The following LRRIQ3 variants were observed in gnomAD, a reference collection of about 807,000 sequenced individuals.
LRRIQ3 encodes the protein leucine rich repeats and IQ motif containing 3.
Under a neutral mutation model 59.3 loss-of-function variants are expected in LRRIQ3, and 75 were observed. The observed-to-expected ratio is 1.26, with a 90% CI of 1.05 to 1.53. The LOEUF is 1.53. LRRIQ3 is among the 40% of genes most tolerant of loss of function. The pLI is 0.00. For missense variants in LRRIQ3, 831 were observed against 710.0 expected, an observed-to-expected ratio of 1.17 and a Z score of -1.94; for synonymous variants, 250 against 231.3, an observed-to-expected ratio of 1.08 and a Z score of -0.73.
intron 4 of LRRIQ3, among the ~76,000 whole-genome samples, chr1:74,151,506 G>T (rs1199184269): frequency 6.7e-6 from 1 of 149,400 alleles, no homozygotes; most frequent in Non-Finnish European, 1.5e-5. Context: ...CCACTGCTGT[G>T]TTAGCAATTA....
At chr1:74,098,787 C>G (rs1160150948) in intron 5 of LRRIQ3, among the ~76,000 whole-genome samples, 1 of 152,172 alleles carries the variant, frequency 6.6e-6, no homozygotes, top group Non-Finnish European at 1.5e-5. Context: ...AATTGAACAA[C>G]CTGCTCCTGA....
chr1:74,161,285 T>C (rs1050232176), intron 3 of LRRIQ3, among the ~76,000 whole-genome samples: 3 of 152,044 alleles, frequency 2.0e-5, no homozygotes, highest in Admixed American at 6.6e-5. Context: ...ATATTGGAGA[T>C]TAGATTTTAG....
chr1:74,112,843 T>G (rs1378762729), intron 4 of LRRIQ3, among the ~76,000 whole-genome samples: 1 of 152,098 alleles, frequency 6.6e-6, no homozygotes, highest in African/African-American at 2.4e-5. Flanking sequence ...AAACTCTGGG[T>G]GGGGCTACAG....
intron 4 of LRRIQ3, among the ~76,000 whole-genome samples, chr1:74,118,391 A>C (rs1288542790): frequency 6.6e-6 from 1 of 152,118 alleles, no homozygotes; most frequent in Non-Finnish European, 1.5e-5. Flanking sequence ...ACTCAAATTA[A>C]ATTTTAGAAC....
chr1:74,134,477 A>G (rs1413408362), intron 4 of LRRIQ3, among the ~76,000 whole-genome samples: 1 of 152,002 alleles, frequency 6.6e-6, no homozygotes, highest in East Asian at 1.9e-4. Context: ...TAGAAATTAT[A>G]AATACATACG....
At chr1:74,032,486 G>C (rs1320492461) in intron 7 of LRRIQ3, among the ~76,000 whole-genome samples, 2 of 151,996 alleles carry the variant, frequency 1.3e-5, no homozygotes, top group East Asian at 3.9e-4. Flanking sequence ...ATCCAGATCA[G>C]TGGTTGTTGT....
chr1:74,147,020 G>A (rs954757018), intron 4 of LRRIQ3, among the ~76,000 whole-genome samples: 47 of 152,188 alleles, frequency 3.1e-4, no homozygotes, highest in Admixed American at 2.0e-3. Context: ...TTGAGCCCAG[G>A]AGTTGGAGAC....
intron 4 of LRRIQ3, among the ~76,000 whole-genome samples, chr1:74,143,348 T>C (rs1232106609): frequency 6.6e-6 from 1 of 151,948 alleles, no homozygotes; most frequent in Non-Finnish European, 1.5e-5. Flanking sequence ...CACATCTGTG[T>C]TCCAAGATAG....
At chr1:74,037,804 T>C (rs1016909763) in intron 7 of LRRIQ3, among the ~76,000 whole-genome samples, 2 of 151,418 alleles carry the variant, frequency 1.3e-5, no homozygotes, top group African/African-American at 4.9e-5. Context: ...AGGTGGTGAG[T>C]GTGCTACCCA....
At chr1:74,128,897 T>A (rs1426365844) in intron 4 of LRRIQ3, among the ~76,000 whole-genome samples, 1 of 152,086 alleles carries the variant, frequency 6.6e-6, no homozygotes, top group Non-Finnish European at 1.5e-5. Context: ...CTTGGATAGT[T>A]CTGGAAGAAT....
intron 3 of LRRIQ3, among the ~76,000 whole-genome samples, chr1:74,159,848 A>G (rs898418771): frequency 1.3e-5 from 2 of 152,120 alleles, no homozygotes; most frequent in African/African-American, 4.8e-5. Flanking sequence ...TTATCTATAT[A>G]GTCATAAAAA....
chr1:74,034,801 C>CT (rs11331087), intron 7 of LRRIQ3, among the ~76,000 whole-genome samples: 3 of 151,370 alleles, frequency 2.0e-5, no homozygotes, highest in Non-Finnish European at 4.4e-5. Context: ...AAGGCAAATG[C>CT]TTTTTTTTAT....
rs564995109 is a variant in LRRIQ3 at position 74,181,768 on chromosome 1, T to C, written c.573+770A>G. On this transcript the variant is annotated intron_variant, in intron 3 of 7. Transcript: ENST00000354431. ...TGCAGTAATAAAATTCTTCCAACTT[T>C]GTAATTTTCAGTTTTTCCACGCATA... The C allele has an allele frequency of 2.0e-5, 3 of 151,970 alleles. No homozygotes were observed. In the East Asian group the frequency reaches 5.8e-4, roughly 29 times the overall value. 9.4% of individuals were successfully genotyped at this position (151,970 alleles called of 1,614,324 possible).
At position 74,081,321 on chromosome 1, in the gene LRRIQ3, A is replaced by T. The variant is rs146340402; in HGVS notation, c.868-6531T>A. On this transcript the variant is annotated intron_variant, in intron 5 of 7. Coordinates refer to ENST00000354431, the MANE Select transcript of LRRIQ3 (RefSeq NM_001105659.2). ...CTGCAAGTGTCCAGTTTAAGAACAC[A>T]TGACAAAAAAGATAATAGAAAGCTT... is the stretch of plus-strand genomic sequence containing the variant. Among the ~76,000 whole-genome samples, 428 of 151,736 alleles carry T rather than the reference A, an allele frequency of 2.8e-3. 3 individuals are homozygous for T. Among genetic ancestry groups the T allele is most frequent in the African/African-American group, 0.01 (416 of 41,510 alleles).
chr1:74,093,477 G>C (rs1255179581), intron 5 of LRRIQ3, among the ~76,000 whole-genome samples: 2 of 152,012 alleles, frequency 1.3e-5, no homozygotes, highest in African/African-American at 4.8e-5. Context: ...TATATGCTAG[G>C]TATGTATAAG....
chr1:74,031,553 A>G (rs1569993976), intron 7 of LRRIQ3, among the ~76,000 whole-genome samples: 1 of 148,028 alleles, frequency 6.8e-6, no homozygotes, highest in East Asian at 2.1e-4. Context: ...ATAGGTGGGA[A>G]TTGAACAATG....
chr1:74,063,493 CCAATTCT>C (rs948539369), intron 6 of LRRIQ3, among the ~76,000 whole-genome samples: 6 of 151,986 alleles, frequency 3.9e-5, no homozygotes, highest in Admixed American at 3.3e-4. Context: ...ATAAATGTCT[CCAATTCT>C]TATTGTTGCA....
intron 1 of LRRIQ3, among the ~76,000 whole-genome samples, chr1:74,196,176 T>G (rs956448973): frequency 6.6e-6 from 1 of 152,020 alleles, no homozygotes; most frequent in Non-Finnish European, 1.5e-5. Flanking sequence ...ATCCAAGAAA[T>G]ACTCTAATAT....
chr1:74,131,383 G>T (rs982515530), intron 4 of LRRIQ3, among the ~76,000 whole-genome samples: 3 of 152,282 alleles, frequency 2.0e-5, no homozygotes, highest in Admixed American at 2.0e-4. Context: ...TATGAGGCCA[G>T]CATCATCCTG....
Sources: gnomAD v4.1 joint callset for allele counts (sites outside exome capture counted in the v4.1 genomes callset) on GRCh38, gnomAD v4.1.1 for gene constraint, MANE v1.5 for transcripts, NCBI Gene and HGNC (gene_info 2026-07-23, HGNC 2026-07-21) for gene names.